Variants in CDC14B observed in about 807,000 individuals in gnomAD.
The protein encoded by CDC14B is dual specificity protein phosphatase CDC14B.
CDC14B carries 22 observed loss-of-function variants against 64.2 expected under a neutral mutation model. The ratio of observed to expected loss-of-function variants is 0.34; its 90% CI spans 0.24 to 0.49. CDC14B has a LOEUF of 0.49. CDC14B is among the 20% of genes least tolerant of loss of function. The pLI is 0.99. For synonymous variants in CDC14B, 191 were observed against 215.8 expected, an observed-to-expected ratio of 0.89 and a Z score of 1.01; for missense variants, 498 against 629.9, an observed-to-expected ratio of 0.79 and a Z score of 2.24.
intron 1 of CDC14B, among the ~76,000 whole-genome samples, chr9:96,592,522 T>A (rs976681469): frequency 6.6e-6 from 1 of 152,166 alleles, no homozygotes; most frequent in Non-Finnish European, 1.5e-5. Context: ...ACGCCTGTAA[T>A]CCCAGCAATT....
intron 13 of CDC14B, among the ~76,000 whole-genome samples, chr9:96,494,097 G>A (rs1211655834): frequency 6.6e-6 from 1 of 152,204 alleles, no homozygotes; most frequent in East Asian, 1.9e-4. Flanking sequence ...GCCCTGTCTT[G>A]TCGTGCCTTG....
intron 7 of CDC14B, 85 bp downstream of exon 7, chr9:96,538,993 A>G: frequency 2.4e-6 from 2 of 836,700 alleles, no homozygotes. Flanking sequence ...TCTTAAGTAT[A>G]TATAAGTTTT....
chr9:96,528,625 A>T (rs958194720), intron 9 of CDC14B, among the ~76,000 whole-genome samples: 20 of 152,242 alleles, frequency 1.3e-4, no homozygotes, highest in African/African-American at 3.6e-4. Context: ...GCATATAACC[A>T]GAGATGGAAC....
Position 96,515,170 on chromosome 9 carries a change from C to T in CDC14B, c.1344-5381G>A, listed in dbSNP as rs559037255. ...AGAGCTGCTGTACAATGGCAGATTTCGAGGCTACAAAATCACATATTTAAT... is the reference window on the plus strand; with the variant it reads ...AGAGCTGCTGTACAATGGCAGATTTTGAGGCTACAAAATCACATATTTAAT... On this transcript the variant is annotated intron_variant, in intron 12 of 13. Transcript: ENST00000375241. The surrounding 1 kb of genome is among the most constrained non-coding windows in gnomAD (Gnocchi z 4.3). 7.3e-4 allele frequency among the ~76,000 whole-genome samples: 111 copies of T among 152,174 alleles called. No homozygotes were observed. Among genetic ancestry groups the T allele is most frequent in the African/African-American group, 2.5e-3 (103 of 41,516 alleles).
At chr9:96,609,514 A>G (rs1847176498) in intron 1 of CDC14B, among the ~76,000 whole-genome samples, 1 of 152,206 alleles carries the variant, frequency 6.6e-6, no homozygotes, top group African/African-American at 2.4e-5. Flanking sequence ...TCAAGTAGTT[A>G]CTCAATAAAT....
At chr9:96,555,419 G>C (rs1842382585) in intron 4 of CDC14B, among the ~76,000 whole-genome samples, 1 of 152,166 alleles carries the variant, frequency 6.6e-6, no homozygotes, top group Non-Finnish European at 1.5e-5. Flanking sequence ...CCCTCCAGGT[G>C]AATGCAGCCC....
At chr9:96,591,393 A>G (rs545137606) in intron 1 of CDC14B, among the ~76,000 whole-genome samples, 9 of 152,170 alleles carry the variant, frequency 5.9e-5, no homozygotes, top group Admixed American at 2.0e-4. Context: ...TCATTTAACC[A>G]TATACATAAG....
chr9:96,601,187 G>C (rs950800073), intron 1 of CDC14B, among the ~76,000 whole-genome samples: 12 of 152,110 alleles, frequency 7.9e-5, no homozygotes, highest in African/African-American at 2.9e-4. Flanking sequence ...ATCTAAACAT[G>C]CTCTGAACAA....
chr9:96,594,714 CA>C (rs11414625), intron 1 of CDC14B, among the ~76,000 whole-genome samples: 7,950 of 42,508 alleles, frequency 0.19, 77 homozygotes, highest in East Asian at 0.23. Flanking sequence ...AAGGCTGTCT[CA>C]AAAAAAAAAA....
chr9:96,607,540 C>G (rs1432070664), intron 1 of CDC14B, among the ~76,000 whole-genome samples: 2 of 151,600 alleles, frequency 1.3e-5, no homozygotes, highest in Admixed American at 6.6e-5. Context: ...CCTGCCTCAG[C>G]CGCCTGAGTA....
intron 9 of CDC14B, among the ~76,000 whole-genome samples, chr9:96,531,643 T>C (rs1047865537): frequency 2.6e-5 from 4 of 151,818 alleles, no homozygotes; most frequent in African/African-American, 9.7e-5. Context: ...ATTACAATAA[T>C]ATACTACTTG....
chr9:96,497,217 C>A (rs1564177276), downstream of CDC14B, among the ~76,000 whole-genome samples: 6 of 152,294 alleles, frequency 3.9e-5, no homozygotes, highest in South Asian at 6.2e-4. Flanking sequence ...AGGTGTGGAC[C>A]CAGCACGCGT....
At chr9:96,556,322 G>GC (rs1419677781) in intron 4 of CDC14B, among the ~76,000 whole-genome samples, 4 of 151,574 alleles carry the variant, frequency 2.6e-5, no homozygotes, top group African/African-American at 7.3e-5. Context: ...TCTTTCCTAC[G>GC]CCAAGAACTT....
intron 9 of CDC14B, among the ~76,000 whole-genome samples, chr9:96,527,115 C>A (rs528204779): frequency 1.2e-4 from 19 of 152,074 alleles, no homozygotes; most frequent in Non-Finnish European, 2.5e-4. Context: ...ATTTTAAATT[C>A]TGTATTGGGG....
At chr9:96,547,763 G>A (rs1385815276) in intron 5 of CDC14B, among the ~76,000 whole-genome samples, 1 of 152,022 alleles carries the variant, frequency 6.6e-6, no homozygotes, top group East Asian at 1.9e-4. Context: ...TATACCAAGT[G>A]TTTTATATGC....
intron 1 of CDC14B, among the ~76,000 whole-genome samples, chr9:96,568,232 T>A (rs1844243847): frequency 6.6e-6 from 1 of 152,244 alleles, no homozygotes; most frequent in Non-Finnish European, 1.5e-5. Flanking sequence ...AAATACATTT[T>A]TTAAACCATG....
chr9:96,540,014 A>G (rs956506961), intron 6 of CDC14B, among the ~76,000 whole-genome samples: 3 of 152,264 alleles, frequency 2.0e-5, no homozygotes, highest in African/African-American at 7.2e-5. Flanking sequence ...AGGCTAGAAT[A>G]TCAACTAAAA....
chr9:96,507,380 A>G (rs2131298873), intron 13 of CDC14B, among the ~76,000 whole-genome samples: 1 of 151,380 alleles, frequency 6.6e-6, no homozygotes, highest in African/African-American at 2.4e-5. Context: ...ACATGTCAAA[A>G]TTAACAATTA....
intron 1 of CDC14B, among the ~76,000 whole-genome samples, chr9:96,574,995 C>T (rs1844718732): frequency 6.6e-6 from 1 of 152,220 alleles, no homozygotes; most frequent in African/African-American, 2.4e-5. Flanking sequence ...TTCTGGTTCA[C>T]TCTATACCCT....
Sources: gnomAD v4.1 joint callset for allele counts (sites outside exome capture counted in the v4.1 genomes callset) on GRCh38, gnomAD v4.1.1 for gene constraint, Gnocchi (gnomAD v3.1) non-coding constraint, MANE v1.5 for transcripts, NCBI Gene and HGNC (gene_info 2026-07-23, HGNC 2026-07-21) for gene names.